CPEB1: variants seen among roughly 807,000 people sequenced by gnomAD.
CPEB1 encodes cytoplasmic polyadenylation element binding protein 1, also known as cytoplasmic polyadenylation element-binding protein 1.
Under a neutral mutation model 65.8 loss-of-function variants are expected in CPEB1, and 7 were observed. The ratio of observed to expected loss-of-function variants is 0.11; its 90% CI spans 0.06 to 0.20. The LOEUF is 0.20. Ranked by LOEUF, CPEB1 falls within the 10% of genes least tolerant of loss-of-function variation. The pLI is 1.00. For missense variants in CPEB1, 551 were observed against 712.2 expected (o/e 0.77, Z 2.58); for synonymous variants, 262 against 260.0 (o/e 1.01, Z -0.08).
chr15:82,606,582 G>A (rs2151218809), intron 3 of CPEB1, among the ~76,000 whole-genome samples: 1 of 117,180 alleles, frequency 8.5e-6, no homozygotes, highest in Non-Finnish European at 1.8e-5. Context: ...ACTTTGGGAG[G>A]CCGAGGCGGG....
intron 3 of CPEB1, among the ~76,000 whole-genome samples, chr15:82,586,930 T>A (rs1336357335): frequency 6.6e-6 from 1 of 152,200 alleles, no homozygotes; most frequent in East Asian, 1.9e-4. Flanking sequence ...AGGAACTAGA[T>A]GACAATGAAT....
chr15:82,556,167 T>C (rs753373247), intron 5 of CPEB1, 45 bp from the exon 6 acceptor site: 13 of 1,538,142 alleles, frequency 8.5e-6, no homozygotes, highest in Non-Finnish European at 1.1e-5. Context: ...GCTAGTTTTG[T>C]TATAAAGTAA....
chr15:82,574,895 G>C (rs896786169), intron 3 of CPEB1, among the ~76,000 whole-genome samples: 13 of 152,162 alleles, frequency 8.5e-5, no homozygotes, highest in African/African-American at 3.1e-4. Flanking sequence ...AACGGAAAAT[G>C]CATTTAAATA....
intron 3 of CPEB1, 45 bp from the exon 4 acceptor site, chr15:82,571,577 G>A (rs1567190926): frequency 6.3e-7 from 1 of 1,574,922 alleles, no homozygotes; most frequent in Non-Finnish European, 8.6e-7. Flanking sequence ...GTTAAGGGCT[G>A]TTTTCCCCAA....
chr15:82,549,520 C>A lies in CPEB1; in HGVS notation c.1420G>T (p.Asp474Tyr). The change falls in exon 10 of 13, where the codon GAC becomes TAC. Residue 474 changes from aspartate to tyrosine, a missense_variant. Physicochemically the swap from Asp to Tyr is radical, Grantham distance 160. Transcript: ENST00000684509. ...NAEALAAILN[D>Y]LFGGVVYAGI... ...GCATACACCACTCCACCAAATAGGT[C>A]GTTCAAGATGGCTGCCAGGGCCTCA... 6.2e-7 allele frequency: 1 copy of A among 1,614,226 alleles called. No individual in the cohort carries two copies. Among genetic ancestry groups the A allele is most frequent in the Non-Finnish European group, 8.5e-7 (1 of 1,180,050 alleles).
chr15:82,630,109 T>G (rs1286238209), intron 1 of CPEB1: 1 of 985,322 alleles, frequency 1.0e-6, no homozygotes, highest in Non-Finnish European at 1.2e-6. Flanking sequence ...TGCAAAGATT[T>G]ATAACCTGCA....
chr15:82,579,890 G>T (rs1462476087), intron 3 of CPEB1, among the ~76,000 whole-genome samples: 1 of 119,052 alleles, frequency 8.4e-6, no homozygotes, highest in Non-Finnish European at 1.6e-5. Flanking sequence ...CTGCAGTCCG[G>T]CCTGGGCGAC....
intron 3 of CPEB1, among the ~76,000 whole-genome samples, chr15:82,621,379 T>TG (rs1310988264): frequency 2.0e-5 from 3 of 151,188 alleles, no homozygotes; most frequent in African/African-American, 7.3e-5. Flanking sequence ...CCCAGCACTT[T>TG]GGGAGGCCGA....
intron 3 of CPEB1, 68 bp downstream of exon 3, chr15:82,627,125 T>TA (rs2045845936): frequency 7.9e-7 from 1 of 1,266,492 alleles, no homozygotes; most frequent in African/African-American, 1.5e-5. Context: ...GAAGACCTCT[T>TA]ACATGCACTA....
At chr15:82,582,962 T>C (rs141613524) in intron 3 of CPEB1, among the ~76,000 whole-genome samples, 2 of 151,940 alleles carry the variant, frequency 1.3e-5, no homozygotes, top group African/African-American at 4.8e-5. Flanking sequence ...AGGATGGTCT[T>C]GATCTCCTGA....
intron 8 of CPEB1, 61 bp downstream of exon 8, chr15:82,553,406 A>G: frequency 7.9e-7 from 1 of 1,264,674 alleles, no homozygotes; most frequent in Non-Finnish European, 1.2e-6. Context: ...AGGTGCAGTT[A>G]TGTACTAGGG....
At position 82,579,982 on chromosome 15, in the gene CPEB1, TTAAGA is replaced by T. The variant is rs576814506; in HGVS notation, c.272-8455_272-8451del. 1.2e-4 allele frequency among the ~76,000 whole-genome samples: 10 copies of T among 80,722 alleles called. No individual in the cohort carries two copies. In the East Asian group the frequency reaches 4.0e-3, roughly 32 times the overall value. 53.0% of individuals were successfully genotyped at this position (80,722 alleles called of 152,430 possible). On this transcript the variant is annotated intron_variant, in intron 3 of 12. Transcript: ENST00000684509. ...AGACTCTCAAGCACAAAATATTACA[TTAAGA>T]TAAAACTCAGCGGGAGAAGTGGACT...
At chr15:82,557,219 T>C (rs947925212) in intron 5 of CPEB1, among the ~76,000 whole-genome samples, 1 of 152,142 alleles carries the variant, frequency 6.6e-6, no homozygotes, top group Non-Finnish European at 1.5e-5. Flanking sequence ...AATGCAAAAA[T>C]TAACTGAGGC....
At chr15:82,639,021 A>G (rs1231389332) in intron 1 of CPEB1, among the ~76,000 whole-genome samples, 1 of 152,192 alleles carries the variant, frequency 6.6e-6, no homozygotes, top group African/African-American at 2.4e-5. Context: ...GAAATCAACC[A>G]CGTCTTAGAA....
intron 2 of CPEB1, 157 bp downstream of exon 2, chr15:82,628,207 C>T (rs1413193376): frequency 2.8e-6 from 2 of 702,358 alleles, no homozygotes; most frequent in Non-Finnish European, 5.2e-6. Context: ...TAAATTCCTG[C>T]TTAAAAAAAC....
chr15:82,579,200 A>G (rs2040976079), intron 3 of CPEB1, among the ~76,000 whole-genome samples: 1 of 152,136 alleles, frequency 6.6e-6, no homozygotes, highest in Non-Finnish European at 1.5e-5. Flanking sequence ...GGTGGCTCAC[A>G]TCTGTAATCC....
At chr15:82,606,164 T>C (rs1387848109) in intron 3 of CPEB1, among the ~76,000 whole-genome samples, 3 of 152,164 alleles carry the variant, frequency 2.0e-5, no homozygotes, top group African/African-American at 7.2e-5. Context: ...AGATTGTTAA[T>C]ATAAATTAAG....
At chr15:82,644,963 A>G (rs2047381240) in intron 1 of CPEB1, among the ~76,000 whole-genome samples, 1 of 152,192 alleles carries the variant, frequency 6.6e-6, no homozygotes, top group South Asian at 2.1e-4. Flanking sequence ...AAAGAAAAGC[A>G]CATAGAACCA....
At chr15:82,560,485 G>T (rs2038016098) in intron 4 of CPEB1, among the ~76,000 whole-genome samples, 1 of 151,416 alleles carries the variant, frequency 6.6e-6, no homozygotes, top group African/African-American at 2.4e-5. Flanking sequence ...ATCTTCCTGG[G>T]CTCAAGCGAT....
Sources: gnomAD v4.1 joint callset for allele counts (sites outside exome capture counted in the v4.1 genomes callset) on GRCh38, gnomAD v4.1.1 for gene constraint, MANE v1.5 for transcripts, NCBI Gene and HGNC (gene_info 2026-07-23, HGNC 2026-07-21) for gene names.